FSAF1: variants seen among roughly 807,000 people sequenced by gnomAD.
FSAF1 encodes 40S small subunit processome assembly factor 1.
At chr1:231,225,380 C>T in the FSAF1 span, 1 of 1,258,990 alleles carries the variant, frequency 7.9e-7, no homozygotes, top group Middle Eastern at 1.9e-4. Flanking sequence ...AATGGGCTAG[C>T]AACACCACAT....
At chr1:231,226,251 G>A in the FSAF1 span, 1 of 175,784 alleles carries the variant, frequency 5.7e-6, no homozygotes, top group East Asian at 1.4e-4. Flanking sequence ...CTTCCCATGA[G>A]AGCTGTTTGT....
the FSAF1 span, among the ~76,000 whole-genome samples, chr1:231,235,658 G>T: frequency 6.6e-6 from 1 of 152,048 alleles, no homozygotes; most frequent in African/African-American, 2.4e-5. Flanking sequence ...TTTAAAATGA[G>T]CCAGGCATAG....
chr1:231,233,558 A>G, the FSAF1 span, among the ~76,000 whole-genome samples: 9 of 151,958 alleles, frequency 5.9e-5, no homozygotes, highest in African/African-American at 2.2e-4. Flanking sequence ...ATGAACAAAA[A>G]ATTTTTTTTT....
the FSAF1 span, among the ~76,000 whole-genome samples, chr1:231,229,684 C>T: frequency 2.6e-5 from 4 of 152,164 alleles, no homozygotes; most frequent in Non-Finnish European, 5.9e-5. Flanking sequence ...GAACTCCTAA[C>T]CCATGCTACA....
At chr1:231,230,421 T>C in the FSAF1 span, among the ~76,000 whole-genome samples, 50 of 152,348 alleles carry the variant, frequency 3.3e-4, no homozygotes, top group African/African-American at 1.2e-3. Context: ...ATTCCTAGCA[T>C]GGCAGAGATT....
the FSAF1 span, among the ~76,000 whole-genome samples, chr1:231,233,850 C>T: frequency 8.0e-3 from 1,212 of 152,238 alleles, 10 homozygotes; most frequent in Non-Finnish European, 0.011. Flanking sequence ...CGTGCCCAGC[C>T]GAACAAAAAT....
chr1:231,231,863 G>A, the FSAF1 span, among the ~76,000 whole-genome samples: 1 of 152,278 alleles, frequency 6.6e-6, no homozygotes, highest in Non-Finnish European at 1.5e-5. Flanking sequence ...CTGAGGGGCC[G>A]ACTAGACCAA....
chr1:231,226,837 G>C, the FSAF1 span: 4 of 1,598,354 alleles, frequency 2.5e-6, no homozygotes, highest in South Asian at 3.3e-5. Context: ...TGTAATGAAA[G>C]AACAAAGAAA....
chr1:231,227,415 G>A, the FSAF1 span, among the ~76,000 whole-genome samples: 1 of 151,796 alleles, frequency 6.6e-6, no homozygotes, highest in African/African-American at 2.4e-5. Flanking sequence ...AGGACTATAG[G>A]CACGCACCAC....
chr1:231,227,061 A>T, the FSAF1 span: 3 of 1,614,150 alleles, frequency 1.9e-6, no homozygotes, highest in Admixed American at 1.7e-5. Flanking sequence ...GTGCACTTCT[A>T]AACGAGCCTG....
At chr1:231,231,049 G>A in the FSAF1 span, among the ~76,000 whole-genome samples, 10 of 152,310 alleles carry the variant, frequency 6.6e-5, no homozygotes, top group East Asian at 9.7e-4. Flanking sequence ...GGGTCCAGGC[G>A]TATGGCCTAG....
the FSAF1 span, chr1:231,237,176 G>C: frequency 6.6e-6 from 1 of 152,096 alleles, no homozygotes; most frequent in African/African-American, 2.4e-5. Context: ...ATGCGCTAAC[G>C]ATCTTTGAGG....
the FSAF1 span, among the ~76,000 whole-genome samples, chr1:231,239,900 C>T: frequency 1.2e-3 from 190 of 152,330 alleles, 1 homozygote; most frequent in African/African-American, 4.3e-3. Context: ...GAGCTCCTAC[C>T]ATGATTTCCA....
At chr1:231,241,145 GC>G in the FSAF1 span, 1 of 1,607,978 alleles carries the variant, frequency 6.2e-7, no homozygotes, top group Non-Finnish European at 8.5e-7. Context: ...CCCTCATTCT[GC>G]CGCGCTGCAC....
the FSAF1 span, among the ~76,000 whole-genome samples, chr1:231,239,434 A>C: frequency 6.6e-6 from 1 of 152,296 alleles, no homozygotes; most frequent in African/African-American, 2.4e-5. Flanking sequence ...TTTAGTCTCC[A>C]CTTTGGTTCC....
the FSAF1 span, among the ~76,000 whole-genome samples, chr1:231,236,252 G>T: frequency 6.6e-6 from 1 of 152,070 alleles, no homozygotes; most frequent in Non-Finnish European, 1.5e-5. Flanking sequence ...ATATTCATGT[G>T]TATTTATTTC....
At chr1:231,233,117 A>G in the FSAF1 span, among the ~76,000 whole-genome samples, 1 of 152,348 alleles carries the variant, frequency 6.6e-6, no homozygotes, top group East Asian at 1.9e-4. Context: ...GGCTACATCC[A>G]CATTGCGGGG....
the FSAF1 span, chr1:231,227,034 C>A: frequency 1.2e-6 from 2 of 1,614,172 alleles, no homozygotes; most frequent in East Asian, 4.5e-5. Flanking sequence ...TTTTCCATAA[C>A]CCGTGATACC....
the FSAF1 span, chr1:231,239,257 C>T: frequency 1.9e-5 from 25 of 1,348,546 alleles, no homozygotes; most frequent in African/African-American, 4.4e-5. Context: ...TCAAATCCTA[C>T]GAATGTATTT....
Sources: gnomAD v4.1 joint callset for allele counts (sites outside exome capture counted in the v4.1 genomes callset) on GRCh38, gnomAD v4.1.1 for gene constraint, MANE v1.5 for transcripts, NCBI Gene and HGNC (gene_info 2026-07-23, HGNC 2026-07-21) for gene names.